Variants in ATP8A1 observed in about 807,000 individuals in gnomAD.
ATP8A1 encodes ATPase phospholipid transporting 8A1, also known as phospholipid-transporting ATPase IA.
In ATP8A1, 90 loss-of-function variants were observed where a neutral mutation model predicts 177.7. The ratio of observed to expected loss-of-function variants is 0.51; its 90% CI spans 0.43 to 0.60. The LOEUF (loss-of-function observed/expected upper bound fraction) is 0.60, where lower values mean the gene tolerates loss of function less well. Among genes scored for constraint, ATP8A1 ranks in the 20% least tolerant of loss-of-function variants. ATP8A1 has a pLI of 0.00. For synonymous variants in ATP8A1, 493 were observed against 485.9 expected (o/e 1.01, Z -0.19); for missense variants, 1,072 against 1,392.8 (o/e 0.77, Z 3.67).
chr4:42,538,186 A>G (rs1728033828), intron 20 of ATP8A1, among the ~76,000 whole-genome samples: 1 of 152,228 alleles, frequency 6.6e-6, no homozygotes, highest in Admixed American at 6.5e-5. Context: ...CCTATTCAAC[A>G]AATGGTGCTG....
chr4:42,511,759 T>G (rs1005865110), intron 22 of ATP8A1, among the ~76,000 whole-genome samples: 18 of 152,322 alleles, frequency 1.2e-4, no homozygotes, highest in Middle Eastern at 3.4e-3. Flanking sequence ...TGCTAAATAA[T>G]GGAACCTCAA....
intron 27 of ATP8A1, among the ~76,000 whole-genome samples, chr4:42,461,966 T>G (rs1412128415): frequency 6.6e-6 from 1 of 152,168 alleles, no homozygotes; most frequent in Non-Finnish European, 1.5e-5. Flanking sequence ...ATTTTGCCCC[T>G]TCCCTAGAGA....
intron 6 of ATP8A1, among the ~76,000 whole-genome samples, chr4:42,598,235 T>C (rs1000124010): frequency 2.6e-4 from 40 of 152,256 alleles, no homozygotes; most frequent in African/African-American, 9.4e-4. Context: ...GTGACTTAGA[T>C]ATAAATATTC....
intron 33 of ATP8A1, among the ~76,000 whole-genome samples, chr4:42,429,668 T>TA (rs1715043672): frequency 6.6e-6 from 1 of 152,116 alleles, no homozygotes; most frequent in African/African-American, 2.4e-5. Context: ...TGGCTTGACT[T>TA]AAAAAAATCC....
chr4:42,633,010 TAAA>T (rs909539743), intron 1 of ATP8A1, among the ~76,000 whole-genome samples: 5 of 151,942 alleles, frequency 3.3e-5, no homozygotes, highest in African/African-American at 9.7e-5. Flanking sequence ...AAAAACAAAG[TAAA>T]AAAAATTTCC....
intron 10 of ATP8A1, 49 bp downstream of exon 10, chr4:42,581,572 C>T: frequency 7.6e-7 from 1 of 1,314,668 alleles, no homozygotes; most frequent in Non-Finnish European, 1.1e-6. Context: ...GTAAATCATA[C>T]ACTCACAAAA....
chr4:42,487,982 C>G (rs549016918), intron 24 of ATP8A1, among the ~76,000 whole-genome samples: 1 of 152,110 alleles, frequency 6.6e-6, no homozygotes, highest in Non-Finnish European at 1.5e-5. Flanking sequence ...TTTTAATTTA[C>G]AAGCCTCACC....
At chr4:42,510,701 TCTCTA>T (rs780406909) in intron 22 of ATP8A1, among the ~76,000 whole-genome samples, 22 of 152,254 alleles carry the variant, frequency 1.4e-4, no homozygotes, top group East Asian at 3.9e-4. Flanking sequence ...ATATTTTCTG[TCTCTA>T]CTCTAAGGGG....
chr4:42,593,663 TTA>T (rs560651705), intron 6 of ATP8A1, among the ~76,000 whole-genome samples: 5 of 152,090 alleles, frequency 3.3e-5, no homozygotes, highest in Non-Finnish European at 5.9e-5. Flanking sequence ...TAGGACTAGT[TTA>T]TAGTTTTTAA....
chr4:42,494,318 CA>C (rs1723052391), intron 24 of ATP8A1, among the ~76,000 whole-genome samples: 1 of 151,946 alleles, frequency 6.6e-6, no homozygotes, highest in African/African-American at 2.4e-5. Context: ...ACTAAAAATA[CA>C]AAAATTAACT....
At chr4:42,568,428 T>C (rs901715182) in intron 15 of ATP8A1, among the ~76,000 whole-genome samples, 13 of 152,202 alleles carry the variant, frequency 8.5e-5, no homozygotes, top group African/African-American at 2.2e-4. Flanking sequence ...TAAAGGAACA[T>C]ATTTCCTGAA....
chr4:42,433,481 A>G (rs981760031), intron 33 of ATP8A1, among the ~76,000 whole-genome samples: 6 of 152,202 alleles, frequency 3.9e-5, no homozygotes, highest in African/African-American at 1.2e-4. Flanking sequence ...GGGCTCTTAC[A>G]TGGGATGGTT....
rs1733620511 is a variant in ATP8A1 at position 42,586,424 on chromosome 4, G to A, written c.647C>T (p.Ser216Phe). The part of the protein sequence containing the change: ...IKDVDSLMRI[S>F]GRIECESPNR... ...TGGACTTTCACACTCAATTCTGCCA[G>A]AAATCCTCATCAAACTGTCAACGTC... Residue 216 changes from serine (S) to phenylalanine (F), a missense_variant, in exon 9 of 37, where the codon TCT (serine) becomes TTT (phenylalanine). By Grantham distance (155) the Ser-to-Phe change is radical (BLOSUM62 -2). Transcript: ENST00000381668. The A allele has an allele frequency of 6.2e-7, 1 of 1,614,146 alleles. No individual in the cohort carries two copies. The highest frequency in any genetic ancestry group is 8.5e-7 in the Non-Finnish European group (1 of 1,180,000).
chr4:42,582,783 C>G (rs1733229611), intron 9 of ATP8A1, among the ~76,000 whole-genome samples: 1 of 151,958 alleles, frequency 6.6e-6, no homozygotes, highest in South Asian at 2.1e-4. Context: ...GAATAAGGTC[C>G]CAGTTGGTAT....
At chr4:42,536,058 G>A (rs554264783) in intron 20 of ATP8A1, among the ~76,000 whole-genome samples, 2 of 152,164 alleles carry the variant, frequency 1.3e-5, no homozygotes, top group African/African-American at 4.8e-5. Context: ...AGGAACTAGG[G>A]GAACAAGAGC....
At chr4:42,501,977 G>A (rs755607457) in intron 24 of ATP8A1, among the ~76,000 whole-genome samples, 27 of 151,996 alleles carry the variant, frequency 1.8e-4, no homozygotes, top group Admixed American at 1.6e-3. Context: ...CTGCTAAGGA[G>A]ACTTTTAGCC....
chr4:42,463,098 T>C (rs1328698451), intron 27 of ATP8A1, among the ~76,000 whole-genome samples: 1 of 152,182 alleles, frequency 6.6e-6, no homozygotes, highest in Non-Finnish European at 1.5e-5. Flanking sequence ...GATGAGACTT[T>C]GGACTGTGGA....
At chr4:42,553,621 C>CAA (rs201053828) in intron 16 of ATP8A1, among the ~76,000 whole-genome samples, 8 of 145,318 alleles carry the variant, frequency 5.5e-5, no homozygotes, top group African/African-American at 2.0e-4. Flanking sequence ...TGCTCTTGGG[C>CAA]AAAAAAAAAA....
chr4:42,506,277 C>T (rs934182269), intron 23 of ATP8A1, among the ~76,000 whole-genome samples: 1 of 152,068 alleles, frequency 6.6e-6, no homozygotes, highest in Non-Finnish European at 1.5e-5. Context: ...GACTGGTGCC[C>T]TTATAAAAGA....
Sources: gnomAD v4.1 joint callset for allele counts (sites outside exome capture counted in the v4.1 genomes callset) on GRCh38, gnomAD v4.1.1 for gene constraint, MANE v1.5 for transcripts, NCBI Gene and HGNC (gene_info 2026-07-23, HGNC 2026-07-21) for gene names.